GHDC: variants seen among roughly 807,000 people sequenced by gnomAD.
GHDC encodes GH3 domain-containing protein.
In GHDC, 39 loss-of-function variants were observed where a neutral mutation model predicts 51.5. That is an observed-to-expected ratio of 0.76 (90% confidence interval 0.59 to 0.99). GHDC has a LOEUF of 0.99. Among genes scored for constraint, GHDC ranks in the 50% least tolerant of loss-of-function variants. The pLI is 0.00. For synonymous variants in GHDC, 282 were observed against 305.2 expected (o/e 0.92, Z 0.79); for missense variants, 610 against 672.8 (o/e 0.91, Z 1.03).
At position 42,193,611 on chromosome 17, in the gene GHDC, A is replaced by G. The variant is rs1403180412; in HGVS notation, c.-13-17T>C. 2.6e-6 allele frequency: 4 copies of G among 1,518,980 alleles called. No individual in the cohort carries two copies. The highest frequency in any genetic ancestry group is 4.0e-5 in the Admixed American group (2 of 49,638). 94.1% of individuals were successfully genotyped at this position (1,518,980 alleles called of 1,614,324 possible). ...AAGCAGCTCCTGGGAAGAGGAAGGA[A>G]CCGAGATATGGGGGCATGCAGCAAT... is the stretch of plus-strand genomic sequence containing the variant. On this transcript the variant is annotated splice_polypyrimidine_tract_variant and intron_variant, in intron 2 of 9. Coordinates refer to ENST00000587427, the MANE Select transcript of GHDC (RefSeq NM_032484.5).
Position 42,189,872 on chromosome 17 carries a change from A to G in GHDC, c.1424T>C (p.Phe475Ser), listed in dbSNP as rs780130784. ...TCTGGCAGGGCCCACGCTGCCCCAG[A>G]ACCGCAGGGACTTGTAGCGGGGAGA... Reference protein sequence around the residue: ...EASPRYKSLRFWGSVGPARVH... With the variant: ...EASPRYKSLRSWGSVGPARVH... The change falls in exon 10 of 10, where the codon TTC (phenylalanine) becomes TCC (serine). Residue 475 changes from phenylalanine (F) to serine (S), a missense_variant. Physicochemically the swap from Phe to Ser is radical, Grantham distance 155. Around this residue, in one of 2 missense-constraint regions of GHDC, gnomAD observed 412 missense variants for 410.4 expected, o/e 1.00. Transcript: ENST00000587427. 22 of 1,560,718 alleles carry G rather than the reference A, an allele frequency of 1.4e-5. No homozygotes were observed. Among genetic ancestry groups the G allele is most frequent in the Non-Finnish European group, 1.9e-5 (22 of 1,153,494 alleles).
chr17:42,192,754 A>G lies in GHDC; in HGVS notation c.388-12T>C, dbSNP rs1402881260. ...CCCAGCAAGGTGGCCTGGAGGAGGA[A>G]AGAGAGAATGTTGGTCTGGTGTCAG... On this transcript the variant is annotated splice_polypyrimidine_tract_variant and intron_variant, in intron 4 of 9. Transcript: ENST00000587427. 2 of 1,531,944 alleles carry G rather than the reference A, an allele frequency of 1.3e-6. No individual in the cohort carries two copies. Among genetic ancestry groups the G allele is most frequent in the East Asian group, 4.5e-5 (2 of 44,240 alleles). The allele number at this position is 1,531,944 out of a possible 1,614,324, so 94.9% of individuals were successfully genotyped here.
At position 42,193,451 on chromosome 17, in the gene GHDC, A is replaced by G; in HGVS notation, c.131T>C (p.Leu44Pro). Residue 44 changes from leucine to proline, a missense_variant, in exon 3 of 10, where the codon CTG becomes CCG. Around this residue, in one of 2 missense-constraint regions of GHDC, gnomAD observed 198 missense variants for 262.3 expected, o/e 0.75. Coordinates refer to ENST00000587427, the MANE Select transcript of GHDC (RefSeq NM_032484.5). ...GLQHRVAWGA[L>P]VWAATWQRRR... is the part of the protein sequence containing the mutation. ...CCGCTGCCAGGTGGCTGCCCAGACC[A>G]GGGCCCCCCATGCCACTCGGTGCTG... 6.4e-7 allele frequency: 1 copy of G among 1,554,612 alleles called. No homozygotes were observed. Among genetic ancestry groups the G allele is most frequent in the East Asian group, 2.4e-5 (1 of 41,418 alleles).
rs1166254995 is a variant in GHDC at position 42,192,895 on chromosome 17, T to A, written c.387+11A>T. 6.2e-7 allele frequency: 1 copy of A among 1,613,610 alleles called. No homozygotes were observed. The highest frequency in any genetic ancestry group is 8.5e-7 in the Non-Finnish European group (1 of 1,179,866). On this transcript the variant is annotated intron_variant, in intron 4 of 9. Transcript: ENST00000587427. ...TGTGGCCAGGACTGGGCTCTGGCCA[T>A]CCTAGATTACCTGCAGAGAGGCCTC...
intron 5 of GHDC, among the ~76,000 whole-genome samples, chr17:42,191,620 G>A (rs913997184): frequency 1.3e-5 from 2 of 151,940 alleles, no homozygotes; most frequent in Non-Finnish European, 2.9e-5. Context: ...ACCACACCTG[G>A]CTAATTTTTG....
At chr17:42,193,279 T>C (rs758654775) in intron 3 of GHDC, 38 bp downstream of exon 3, 2 of 1,540,988 alleles carry the variant, frequency 1.3e-6, no homozygotes, top group Non-Finnish European at 1.7e-6. Context: ...GGGGTTTCTT[T>C]CTCTTTGGGT....
At chr17:42,190,444 C>A (rs2144162933) in intron 8 of GHDC, 174 bp from the exon 9 acceptor site, 3 of 1,463,522 alleles carry the variant, frequency 2.0e-6, no homozygotes, top group Middle Eastern at 1.9e-4. Context: ...AAATAGGAGA[C>A]AGATCAGGAA....
chr17:42,192,325 C>T lies in GHDC; in HGVS notation c.805G>A (p.Gly269Ser), dbSNP rs769762725. Reference sequence around the variant, plus strand: ...AGGGCAGCCACAGCCTCGGCCTGGCCTCCTGCATCCAGAGTCACCACCACC... The same window carrying T: ...AGGGCAGCCACAGCCTCGGCCTGGCTTCCTGCATCCAGAGTCACCACCACC... ...LQVVVTLDAG[G>S]QAEAVAALGA... The change falls in exon 5 of 10, where the codon GGC becomes AGC. Residue 269 changes from glycine (G) to serine (S), a missense_variant. Physicochemically the swap from Gly to Ser is moderately conservative, Grantham distance 56 (BLOSUM62 0). This residue lies in a region of GHDC where 412 missense variants were observed against 410.4 expected (regional missense o/e 1.00). Transcript: ENST00000587427. 6.2e-7 allele frequency: 1 copy of T among 1,612,198 alleles called. No homozygotes were observed. The highest frequency in any genetic ancestry group is 8.5e-7 in the Non-Finnish European group (1 of 1,179,188).
intron 5 of GHDC, among the ~76,000 whole-genome samples, chr17:42,191,522 G>A (rs1010413423): frequency 1.3e-5 from 2 of 151,874 alleles, no homozygotes; most frequent in Non-Finnish European, 2.9e-5. Context: ...GCAGTGGTGC[G>A]ATCTCGGCTC....
At position 42,192,374 on chromosome 17, in the gene GHDC, G is replaced by A; in HGVS notation, c.756C>T (p.Ala252=). The A allele has an allele frequency of 6.2e-7, 1 of 1,612,934 alleles. No individual in the cohort carries two copies. Residue 252 remains alanine (A), a synonymous_variant, in exon 5 of 10, where the codon GCC becomes GCT. Transcript: ENST00000587427. ...EALEQGPRGL[A]LRLWPKLQVV... ...CCTGCAGCTTTGGCCAGAGCCGAAG[G>A]GCCAGTCCCCGTGGCCCCTGCTCTA... is the stretch of plus-strand genomic sequence containing the variant.
intron 6 of GHDC, 22 bp from the exon 7 acceptor site, chr17:42,190,925 T>A: frequency 6.3e-7 from 1 of 1,599,518 alleles, no homozygotes; most frequent in Non-Finnish European, 8.5e-7. Context: ...CAAGTGGGAG[T>A]GAGGTCGGGC....
At position 42,191,203 on chromosome 17, in the gene GHDC, C is replaced by T; in HGVS notation, c.897G>A (p.Leu299=). ...SPAYAASGGV[L]GLNLQPEQPH... ...GCTGCTCTGGCTGTAGGTTTAGGCC[C>T]AGCACCCCTGTGAAAGCAAAGCAGC... The change falls in exon 6 of 10, where the codon CTG becomes CTA. Residue 299 remains leucine (L), a synonymous_variant. Transcript: ENST00000587427. 1 of 1,508,752 alleles carries T rather than the reference C, an allele frequency of 6.6e-7. No individual in the cohort carries two copies. The highest frequency in any genetic ancestry group is 1.4e-5 in the African/African-American group (1 of 69,460). The allele number at this position is 1,508,752 out of a possible 1,614,324, so 93.5% of individuals were successfully genotyped here. A position where few individuals can be genotyped will look rare whatever the true frequency, so the allele number is the denominator to read the frequency against.
Position 42,190,282 on chromosome 17 carries a change from C to T in GHDC, c.1289-12G>A, listed in dbSNP as rs2079957692. 1 of 1,614,176 alleles carries T rather than the reference C, an allele frequency of 6.2e-7. No homozygotes were observed. Among genetic ancestry groups the T allele is most frequent in the Non-Finnish European group, 8.5e-7 (1 of 1,180,020 alleles). On this transcript the variant is annotated splice_polypyrimidine_tract_variant and intron_variant, in intron 8 of 9. Coordinates refer to ENST00000587427, the MANE Select transcript of GHDC (RefSeq NM_032484.5). ...GCCCGCAGAGGAATCTGTGAATAGA[C>T]CCCATGTGCACACATACTTCCGGTG... is the stretch of plus-strand genomic sequence containing the variant.
Position 42,193,836 on chromosome 17 carries a change from G to C in GHDC, c.-83C>G, listed in dbSNP as rs1156737605. On this transcript the variant is annotated 5_prime_UTR_variant, in exon 2 of 10. Transcript: ENST00000587427. ...TGAGCAATTTAGTGGGCTGCACTGA[G>C]CTCTGTTTCCTGATCTGCAAAATGG... 1.9e-6 allele frequency: 1 copy of C among 524,396 alleles called. No homozygotes were observed. Among genetic ancestry groups the C allele is most frequent in the Non-Finnish European group, 3.4e-6 (1 of 298,330 alleles). The allele number at this position is 524,396 out of a possible 1,614,324, so 32.5% of individuals were successfully genotyped here. A position where few individuals can be genotyped will look rare whatever the true frequency, so the allele number is the denominator to read the frequency against.
intron 9 of GHDC, 109 bp downstream of exon 9, chr17:42,190,075 GC>G: frequency 7.0e-7 from 1 of 1,428,242 alleles, no homozygotes. Context: ...GCCCCAGGGA[GC>G]TTCTCCTCCG....
Position 42,189,301 on chromosome 17 carries a change from G to T in GHDC, c.*402C>A. The T allele has an allele frequency of 5.1e-6, 2 of 395,600 alleles. No individual in the cohort carries two copies. Among genetic ancestry groups the T allele is most frequent in the Non-Finnish European group, 8.9e-6 (2 of 224,730 alleles). The allele number at this position is 395,600 out of a possible 1,614,324, so 24.5% of individuals were successfully genotyped here. ...TCAAGGACAATGAAGCTGAGGTCCT[G>T]CTCCTTATTGACTCAGGGTTGCTGC... On this transcript the variant is annotated 3_prime_UTR_variant, in exon 10 of 10. Transcript: ENST00000587427.
intron 5 of GHDC, among the ~76,000 whole-genome samples, chr17:42,191,470 T>C (rs1188282301): frequency 6.6e-6 from 1 of 152,136 alleles, no homozygotes; most frequent in Non-Finnish European, 1.5e-5. Flanking sequence ...AGACTCTTTT[T>C]TTTTTTGAGA....
Position 42,189,648 on chromosome 17 carries a change from G to T in GHDC, c.*55C>A. ...GGACTCCCCATCCGGAGAGGTCCCA[G>T]AGGGAGGGGCGAGGTGGCCTCTGGG... On this transcript the variant is annotated 3_prime_UTR_variant, in exon 10 of 10. Coordinates refer to ENST00000587427, the MANE Select transcript of GHDC (RefSeq NM_032484.5). 1.1e-6 allele frequency: 1 copy of T among 933,204 alleles called. No individual in the cohort carries two copies. The highest frequency in any genetic ancestry group is 1.5e-6 in the Non-Finnish European group (1 of 655,912). 57.8% of individuals were successfully genotyped at this position (933,204 alleles called of 1,614,324 possible).
rs1361272086 is a variant in GHDC at position 42,191,017 on chromosome 17, C to T, written c.1082+1G>A. The T allele has an allele frequency of 1.9e-6, 3 of 1,570,712 alleles. No individual in the cohort carries two copies. Among genetic ancestry groups the T allele is most frequent in the Non-Finnish European group, 2.6e-6 (3 of 1,159,990 alleles). On this transcript the variant is annotated splice_donor_variant, in intron 6 of 9. Transcript: ENST00000587427. LOFTEE classifies it high-confidence loss of function. ...GTAGCAGGGGCTGTGCAGCTGATCA[C>T]CTGGTGAGGCTGGCGCGGTCCGTCA...
Sources: gnomAD v4.1 joint callset for allele counts (sites outside exome capture counted in the v4.1 genomes callset) on GRCh38, gnomAD v4.1.1 for gene constraint, gnomAD v4.1.1 regional missense constraint, MANE v1.5 for transcripts, NCBI Gene and HGNC (gene_info 2026-07-23, HGNC 2026-07-21) for gene names.